Variants in ZPR1 observed in about 807,000 individuals in gnomAD.
The protein encoded by ZPR1 is ZPR1 zinc finger.
In ZPR1, 37 loss-of-function variants were observed where a neutral mutation model predicts 59.6. The ratio of observed to expected loss-of-function variants is 0.62; its 90% CI spans 0.48 to 0.82. ZPR1 has a LOEUF of 0.82. Among genes scored for constraint, ZPR1 ranks in the 40% least tolerant of loss-of-function variants. The pLI is 0.00. For synonymous variants in ZPR1, 191 were observed against 215.2 expected, an observed-to-expected ratio of 0.89 and a Z score of 0.99; for missense variants, 527 against 579.9, an observed-to-expected ratio of 0.91 and a Z score of 0.94.
chr11:116,787,843 G>A lies in ZPR1; in HGVS notation c.148C>T (p.Leu50=). ...EEQQPTEIES[L]CMNCYCNGMT... is the part of the protein sequence containing the mutation. Reference sequence around the variant, plus strand: ...ACATTGCAGTAACAGTTCATGCATAGCGACTCGATCTCGGTGGGCTGCTGC... The same window carrying A: ...ACATTGCAGTAACAGTTCATGCATAACGACTCGATCTCGGTGGGCTGCTGC... The change falls in exon 1 of 14, where the codon CTA becomes TTA. Residue 50 remains leucine, a synonymous_variant. Coordinates refer to ENST00000227322, the MANE Select transcript of ZPR1 (RefSeq NM_003904.5). 1 of 1,558,772 alleles carries A rather than the reference G, an allele frequency of 6.4e-7. No individual in the cohort carries two copies. The highest frequency in any genetic ancestry group is 8.7e-7 in the Non-Finnish European group (1 of 1,152,914).
In ZPR1 at chr11:116,785,092, G is replaced by A. The variant is rs199923087; in HGVS notation, c.753+7C>T. ...CTCCTTCCTCACCAGTAGCCAATGT[G>A]ACTCACTTCATTTCTGAGATCTTCC... is the stretch of plus-strand genomic sequence containing the variant. On this transcript the variant is annotated splice_region_variant and intron_variant, in intron 7 of 13. Coordinates refer to ENST00000227322, the MANE Select transcript of ZPR1 (RefSeq NM_003904.5). 6.4e-5 allele frequency: 103 copies of A among 1,614,100 alleles called. No individual in the cohort carries two copies. The highest frequency in any genetic ancestry group is 8.4e-5 in the Non-Finnish European group (99 of 1,180,008).
At chr11:116,784,536 G>T (rs775052336) in intron 8 of ZPR1, 88 bp from the exon 9 acceptor site, 3 of 1,267,086 alleles carry the variant, frequency 2.4e-6, no homozygotes, top group African/African-American at 1.5e-5. Flanking sequence ...ACAAACATAT[G>T]CTGGTCCCAG....
chr11:116,785,284 CAAAGT>C, intron 6 of ZPR1, 138 bp from the exon 7 acceptor site: 1 of 1,128,536 alleles, frequency 8.9e-7, no homozygotes, highest in Non-Finnish European at 1.3e-6. Flanking sequence ...AGAGAAACCA[CAAAGT>C]AAAGCCCCAA....
rs1388533135 is a variant in ZPR1, at chr11:116,786,985, G to A, written c.408C>T (p.Ala136=). ...RIPELDFEIP[A]FSQKGALTTV... ...TAAACTTACCTCCTTTCTGGCTAAAGGCAGGAATTTCAAAATCTAGCTCAG... is the reference window on the plus strand; with the variant it reads ...TAAACTTACCTCCTTTCTGGCTAAAAGCAGGAATTTCAAAATCTAGCTCAG... Residue 136 remains alanine (A), a synonymous_variant, in exon 3 of 14, where the codon GCC becomes GCT. Coordinates refer to ENST00000227322, the MANE Select transcript of ZPR1 (RefSeq NM_003904.5). 2.8e-5 allele frequency: 45 copies of A among 1,613,950 alleles called. No individual in the cohort carries two copies. The highest frequency in any genetic ancestry group is 3.5e-5 in the Non-Finnish European group (41 of 1,179,938).
rs1257987174 is a variant in ZPR1, at chr11:116,776,776, T to A, written c.*2149A>T. On this transcript the variant is annotated 3_prime_UTR_variant, in exon 14 of 14. Coordinates refer to ENST00000227322, the MANE Select transcript of ZPR1 (RefSeq NM_003904.5). ...TCACAATGGAAAATGAACCTGATAC[T>A]GCAGTTTATCTTAACAGAGCACACC... is the stretch of plus-strand genomic sequence containing the variant. 6.6e-6 allele frequency: 1 copy of A among 152,210 alleles called. No individual in the cohort carries two copies. The highest frequency in any genetic ancestry group is 2.4e-5 in the African/African-American group (1 of 41,456). The allele number at this position is 152,210 out of a possible 1,614,324, so 9.4% of individuals were successfully genotyped here. A position where few individuals can be genotyped will look rare whatever the true frequency, so the allele number is the denominator to read the frequency against.
chr11:116,785,727 G>A, intron 5 of ZPR1, 69 bp downstream of exon 5: 1 of 1,612,218 alleles, frequency 6.2e-7, no homozygotes, highest in South Asian at 1.1e-5. Context: ...CATCACAGTG[G>A]AAAATCCCAG....
intron 9 of ZPR1, 91 bp from the exon 10 acceptor site, chr11:116,783,710 C>A: frequency 1.0e-6 from 1 of 990,950 alleles, no homozygotes; most frequent in South Asian, 1.4e-5. Context: ...GACATCCAAT[C>A]AGTTAGGGCC....
intron 11 of ZPR1, 89 bp downstream of exon 11, chr11:116,782,830 C>T (rs1940828535): frequency 1.9e-6 from 2 of 1,048,222 alleles, no homozygotes; most frequent in Non-Finnish European, 3.0e-6. Context: ...GTTACCAGCA[C>T]CGAAAATTAG....
At chr11:116,780,366 C>A (rs1468369616) in intron 12 of ZPR1, among the ~76,000 whole-genome samples, 1 of 150,884 alleles carries the variant, frequency 6.6e-6, no homozygotes, top group Non-Finnish European at 1.5e-5. Flanking sequence ...CCCCAGCCCC[C>A]TTCCCACAGC....
chr11:116,778,752 G>T lies in ZPR1; in HGVS notation c.*173C>A. On this transcript the variant is annotated 3_prime_UTR_variant, in exon 14 of 14. Transcript: ENST00000227322. ...CAAGTAACACAATAGGCTCACACTT[G>T]CATCACAAGCTGTTTAGAAAGTGTG... 2.5e-6 allele frequency: 2 copies of T among 803,928 alleles called. No individual in the cohort carries two copies. Among genetic ancestry groups the T allele is most frequent in the Non-Finnish European group, 1.9e-6 (1 of 531,620 alleles). The allele number at this position is 803,928 out of a possible 1,614,324, so 49.8% of individuals were successfully genotyped here.
At chr11:116,779,651 G>A (rs1940774483) in intron 13 of ZPR1, 121 bp downstream of exon 13, 1 of 680,426 alleles carries the variant, frequency 1.5e-6, no homozygotes, top group Admixed American at 2.6e-5. Context: ...TCTAACTTCT[G>A]CCTCCTTGGT....
chr11:116,785,372 G>T, intron 6 of ZPR1, 142 bp downstream of exon 6: 1 of 1,306,576 alleles, frequency 7.7e-7, no homozygotes, highest in Non-Finnish European at 1.1e-6. Context: ...CCCAAGTCCT[G>T]GACATAAGCA....
At chr11:116,784,191 C>G (rs1940852062) in intron 9 of ZPR1, among the ~76,000 whole-genome samples, 187 bp downstream of exon 9, 2 of 152,164 alleles carry the variant, frequency 1.3e-5, no homozygotes, top group Admixed American at 1.3e-4. Flanking sequence ...TATAGAATCT[C>G]TAACTTTTCT....
chr11:116,786,390 G>T, intron 4 of ZPR1, 121 bp downstream of exon 4: 1 of 1,025,934 alleles, frequency 9.7e-7, no homozygotes. Context: ...AGCAGCTCCA[G>T]CACCACCATA....
At chr11:116,786,695 A>AC in intron 3 of ZPR1, 114 bp from the exon 4 acceptor site, 1 of 921,970 alleles carries the variant, frequency 1.1e-6, no homozygotes, top group Non-Finnish European at 1.7e-6. Context: ...CCTCATCTGT[A>AC]AAATGAGAAG....
intron 4 of ZPR1, 51 bp from the exon 5 acceptor site, chr11:116,785,933 C>A: frequency 1.3e-6 from 2 of 1,520,790 alleles, no homozygotes; most frequent in Non-Finnish European, 9.1e-7. Flanking sequence ...ACCTTATGCC[C>A]TGCCCCTTGT....
chr11:116,787,208 G>T, intron 2 of ZPR1, 149 bp from the exon 3 acceptor site: 1 of 743,078 alleles, frequency 1.3e-6, no homozygotes, highest in South Asian at 1.7e-5. Flanking sequence ...CTTTCGAATA[G>T]TACAGGTGGT....
chr11:116,779,585 T>C (rs1042309520), intron 13 of ZPR1, among the ~76,000 whole-genome samples, 187 bp downstream of exon 13: 1 of 151,672 alleles, frequency 6.6e-6, no homozygotes, highest in African/African-American at 2.4e-5. Context: ...CTTCTTTACA[T>C]ACACTTAAAA....
At chr11:116,787,169 C>G (rs1940900688) in intron 2 of ZPR1, 110 bp from the exon 3 acceptor site, 24 of 973,342 alleles carry the variant, frequency 2.5e-5, no homozygotes, top group African/African-American at 4.8e-5. Flanking sequence ...GTCTCTCCCT[C>G]TCGCCACTCC....
Sources: allele counts gnomAD v4.1 joint callset (sites outside exome capture counted in the v4.1 genomes callset), GRCh38; gene constraint gnomAD v4.1.1; transcripts MANE v1.5; gene names NCBI Gene and HGNC (gene_info 2026-07-23, HGNC 2026-07-21).